Variants in WIF1 observed in about 807,000 individuals in gnomAD.
WIF1 encodes Wnt inhibitory factor 1.
In WIF1, 35 loss-of-function variants were observed where a neutral mutation model predicts 53.5. The ratio of observed to expected loss-of-function variants is 0.65; its 90% CI spans 0.50 to 0.87. WIF1 has a LOEUF of 0.87. WIF1 is among the 40% of genes least tolerant of loss of function. WIF1 has a pLI of 0.00. For synonymous variants in WIF1, 171 were observed against 170.4 expected (o/e 1.00, Z -0.03); for missense variants, 467 against 476.8 (o/e 0.98, Z 0.19).
chr12:65,059,082 C>T (rs543236507), intron 7 of WIF1, among the ~76,000 whole-genome samples: 120 of 151,912 alleles, frequency 7.9e-4, no homozygotes, highest in African/African-American at 2.7e-3. Context: ...TAGACTAAGC[C>T]CTGTCTAAAG....
intron 2 of WIF1, among the ~76,000 whole-genome samples, chr12:65,092,728 A>G (rs1425095366): frequency 1.3e-5 from 2 of 152,028 alleles, no homozygotes; most frequent in Admixed American, 6.6e-5. Context: ...GTGTGGCTGT[A>G]TCAGAGTGGA....
At chr12:65,090,837 A>G (rs1245388795) in intron 2 of WIF1, among the ~76,000 whole-genome samples, 1 of 152,176 alleles carries the variant, frequency 6.6e-6, no homozygotes, top group Admixed American at 6.5e-5. Context: ...CAGGATCAAT[A>G]TAAAGTCCTT....
chr12:65,077,809 C>A lies in WIF1; in HGVS notation c.334G>T (p.Gly112Cys). 6.2e-7 allele frequency: 1 copy of A among 1,613,864 alleles called. No individual in the cohort carries two copies. Among genetic ancestry groups the A allele is most frequent in the South Asian group, 1.1e-5 (1 of 91,062 alleles). The change falls in exon 3 of 10, where the codon GGC (glycine) becomes TGC (cysteine). Residue 112 changes from glycine (G) to cysteine (C), a missense_variant. Coordinates refer to ENST00000286574, the MANE Select transcript of WIF1 (RefSeq NM_007191.5). ...EFLSLRSLDK[G>C]IMADPTVNVP... is the part of the protein sequence containing the mutation. Reference sequence around the variant, plus strand: ...TTGACGGTTGGATCTGCCATGATGCCTTTATCCAGGGAGCGCAAGGACAGG... The same window carrying A: ...TTGACGGTTGGATCTGCCATGATGCATTTATCCAGGGAGCGCAAGGACAGG...
At position 65,068,649 on chromosome 12, in the gene WIF1, A is replaced by ATGTGTGTGTG. The variant is rs10590995; in HGVS notation, c.538+105_538+114dup. 3.2e-3 allele frequency: 3,219 copies of ATGTGTGTGTG among 1,005,026 alleles called. 31 individuals carry two copies. Among genetic ancestry groups the ATGTGTGTGTG allele is most frequent in the African/African-American group, 0.025 (1,371 of 55,508 alleles). The allele number at this position is 1,005,026 out of a possible 1,614,324, so 62.3% of individuals were successfully genotyped here. ...TTATAGAGCCATCATCCAAAAAACC[A>ATGTGTGTGTG]TGTGTGTGTGTGTGTGTGTGTGTGT... On this transcript the variant is annotated intron_variant, in intron 4 of 9. Coordinates refer to ENST00000286574, the MANE Select transcript of WIF1 (RefSeq NM_007191.5).
chr12:65,062,051 G>C (rs1258567411), intron 7 of WIF1, among the ~76,000 whole-genome samples: 5 of 152,038 alleles, frequency 3.3e-5, no homozygotes, highest in Non-Finnish European at 7.4e-5. Flanking sequence ...TCTCTTAGAT[G>C]GGTTGTTAGG....
Position 65,051,311 on chromosome 12 carries a change from G to T in WIF1, c.*38C>A. On this transcript the variant is annotated 3_prime_UTR_variant, in exon 10 of 10. Coordinates refer to ENST00000286574, the MANE Select transcript of WIF1 (RefSeq NM_007191.5). The stretch of plus-strand genomic sequence containing the variant: ...CACATGAAAGGTTAACAAAGGCTAT[G>T]AACTTGGTGTAACTTAAAACGTTTC... The T allele has an allele frequency of 6.3e-7, 1 of 1,597,342 alleles. No individual in the cohort carries two copies. The highest frequency in any genetic ancestry group is 1.1e-5 in the South Asian group (1 of 88,520).
chr12:65,051,502 AAACTAC>A (rs1306586127), intron 9 of WIF1, 32 bp from the exon 10 acceptor site: 23 of 1,544,088 alleles, frequency 1.5e-5, no homozygotes, highest in Non-Finnish European at 1.9e-5. Flanking sequence ...AAAAGGAAAG[AAACTAC>A]AAAACCAGGC....
At chr12:65,068,742 T>G (rs967566615) in intron 4 of WIF1, 22 bp downstream of exon 4, 1 of 1,611,580 alleles carries the variant, frequency 6.2e-7, no homozygotes, top group African/African-American at 1.3e-5. Flanking sequence ...ATGTCTTCTC[T>G]TGAATCACCA....
At position 65,077,815 on chromosome 12, in the gene WIF1, C is replaced by T; in HGVS notation, c.328G>A (p.Asp110Asn). ...FYEFLSLRSL[D>N]KGIMADPTVN... is the part of the protein sequence containing the mutation. ...GTTGGATCTGCCATGATGCCTTTATCCAGGGAGCGCAAGGACAGGAATTCA... is the reference window on the plus strand; with the variant it reads ...GTTGGATCTGCCATGATGCCTTTATTCAGGGAGCGCAAGGACAGGAATTCA... Residue 110 changes from aspartate (D) to asparagine (N), a missense_variant, in exon 3 of 10, where the codon GAT becomes AAT. Asp to Asn is a conservative substitution (Grantham distance 23, BLOSUM62 1). Coordinates refer to ENST00000286574, the MANE Select transcript of WIF1 (RefSeq NM_007191.5). 1 of 1,613,792 alleles carries T rather than the reference C, an allele frequency of 6.2e-7. No homozygotes were observed. The highest frequency in any genetic ancestry group is 8.5e-7 in the Non-Finnish European group (1 of 1,179,846).
At chr12:65,104,122 T>A (rs138668496) in intron 2 of WIF1, among the ~76,000 whole-genome samples, 286 of 152,232 alleles carry the variant, frequency 1.9e-3, no homozygotes, top group African/African-American at 6.2e-3. Flanking sequence ...ATAAATGAGA[T>A]AATCCACGTA....
chr12:65,069,260 G>A (rs1882735956), intron 3 of WIF1, among the ~76,000 whole-genome samples: 1 of 152,200 alleles, frequency 6.6e-6, no homozygotes, highest in Non-Finnish European at 1.5e-5. Flanking sequence ...TGTAGCATGG[G>A]AAGAACAGAA....
intron 2 of WIF1, among the ~76,000 whole-genome samples, chr12:65,104,741 G>A (rs1264718433): frequency 6.6e-6 from 1 of 151,994 alleles, no homozygotes; most frequent in Non-Finnish European, 1.5e-5. Context: ...TCTTCTTCTT[G>A]TTTAGTTCAT....
intron 7 of WIF1, among the ~76,000 whole-genome samples, chr12:65,057,960 A>T (rs1475061740): frequency 6.6e-6 from 1 of 152,224 alleles, no homozygotes; most frequent in East Asian, 1.9e-4. Context: ...CAATATTGGG[A>T]TGTTAGGGTC....
intron 2 of WIF1, among the ~76,000 whole-genome samples, chr12:65,082,513 G>T (rs991746447): frequency 6.6e-6 from 1 of 152,138 alleles, no homozygotes; most frequent in African/African-American, 2.4e-5. Flanking sequence ...ATAATTCACT[G>T]GCATGGTTTG....
At chr12:65,107,310 C>T (rs552392310) in intron 2 of WIF1, among the ~76,000 whole-genome samples, 76 of 152,260 alleles carry the variant, frequency 5.0e-4, no homozygotes, top group African/African-American at 1.6e-3. Flanking sequence ...TATTGGGATC[C>T]ATCTGGTTAT....
intron 5 of WIF1, 64 bp downstream of exon 5, chr12:65,067,631 G>T (rs1882707002): frequency 6.7e-7 from 1 of 1,481,808 alleles, no homozygotes; most frequent in Admixed American, 1.7e-5. Context: ...AATACACATG[G>T]GGCTCCTGCA....
intron 2 of WIF1, among the ~76,000 whole-genome samples, chr12:65,103,956 C>A (rs569564759): frequency 6.8e-6 from 1 of 146,278 alleles, no homozygotes; most frequent in African/African-American, 2.4e-5. Context: ...TCCCAGCTAC[C>A]TGGGAGGCTG....
At position 65,051,312 on chromosome 12, in the gene WIF1, A is replaced by C; in HGVS notation, c.*37T>G. 6.3e-7 allele frequency: 1 copy of C among 1,598,412 alleles called. No homozygotes were observed. On this transcript the variant is annotated 3_prime_UTR_variant, in exon 10 of 10. Transcript: ENST00000286574. ...ACATGAAAGGTTAACAAAGGCTATG[A>C]ACTTGGTGTAACTTAAAACGTTTCA... is the stretch of plus-strand genomic sequence containing the variant.
chr12:65,110,771 C>T (rs1008583674), intron 2 of WIF1, among the ~76,000 whole-genome samples: 2 of 152,228 alleles, frequency 1.3e-5, no homozygotes, highest in South Asian at 2.1e-4. Context: ...CAAGTCCTTG[C>T]TCTCATGAGC....
Sources: gnomAD v4.1 joint callset for allele counts (sites outside exome capture counted in the v4.1 genomes callset) on GRCh38, gnomAD v4.1.1 for gene constraint, MANE v1.5 for transcripts, NCBI Gene and HGNC (gene_info 2026-07-23, HGNC 2026-07-21) for gene names.